Variants in PCDHA3 observed in about 807,000 individuals in gnomAD.
PCDHA3 encodes protocadherin alpha-3.
PCDHA3 carries 41 observed loss-of-function variants against 62.2 expected under a neutral mutation model. That is an observed-to-expected ratio of 0.66 (90% CI 0.51 to 0.86). The LOEUF is 0.86. PCDHA3 is among the 40% of genes least tolerant of loss of function. The probability of loss-of-function intolerance (pLI) is 0.00; values close to 1 mark genes in which losing one functional copy is unlikely to be tolerated. For synonymous variants in PCDHA3, 640 were observed against 555.4 expected, an observed-to-expected ratio of 1.15 and a Z score of -2.14; for missense variants, 1,304 against 1,241.2, an observed-to-expected ratio of 1.05 and a Z score of -0.76.
intron 1 of PCDHA3, among the ~76,000 whole-genome samples, chr5:140,878,446 T>C (rs2057593210): frequency 6.6e-6 from 1 of 152,210 alleles, no homozygotes; most frequent in Admixed American, 6.5e-5. Flanking sequence ...CTATTCTTAT[T>C]TACATGAAAT....
intron 1 of PCDHA3, chr5:140,842,643 T>C (rs1391862843): frequency 6.3e-7 from 1 of 1,595,190 alleles, no homozygotes; most frequent in Non-Finnish European, 8.6e-7. Flanking sequence ...ACCGCCAGCT[T>C]GTCTGTGGAG....
chr5:141,001,936 C>A (rs1440677153), intron 3 of PCDHA3, among the ~76,000 whole-genome samples: 3 of 151,788 alleles, frequency 2.0e-5, no homozygotes, highest in Non-Finnish European at 2.9e-5. Context: ...GGGTGGTGAG[C>A]GGAAATAAGG....
At chr5:140,807,474 G>A (rs1554124040) in intron 1 of PCDHA3, 4 of 1,613,024 alleles carry the variant, frequency 2.5e-6, no homozygotes, top group Non-Finnish European at 3.4e-6. Flanking sequence ...GAGGAGCTGT[G>A]CCGGCGGAGC....
chr5:140,934,053 G>A (rs2089601827), intron 1 of PCDHA3, among the ~76,000 whole-genome samples: 1 of 151,758 alleles, frequency 6.6e-6, no homozygotes, highest in African/African-American at 2.4e-5. Flanking sequence ...GTCTTTCCAA[G>A]GCTAACTTTT....
intron 1 of PCDHA3, among the ~76,000 whole-genome samples, chr5:140,838,413 C>T (rs1304271115): frequency 6.6e-6 from 1 of 151,456 alleles, no homozygotes; most frequent in East Asian, 1.9e-4. Context: ...AGTGAGCCAC[C>T]GCATCCGGCC....
intron 1 of PCDHA3, among the ~76,000 whole-genome samples, chr5:140,893,506 A>AT (rs1270469461): frequency 6.6e-6 from 1 of 152,170 alleles, no homozygotes; most frequent in African/African-American, 2.4e-5. Context: ...AGAAAAAAAA[A>AT]GCAGTTGTAG....
chr5:140,952,327 A>G (rs1407008388), intron 1 of PCDHA3, among the ~76,000 whole-genome samples: 2 of 134,678 alleles, frequency 1.5e-5, no homozygotes, highest in Non-Finnish European at 1.6e-5. Flanking sequence ...AACAAGAGTG[A>G]AACTCCATCT....
intron 1 of PCDHA3, among the ~76,000 whole-genome samples, chr5:140,893,560 T>C (rs964266537): frequency 4.6e-5 from 7 of 152,232 alleles, no homozygotes; most frequent in Admixed American, 4.6e-4. Flanking sequence ...AGTTGTAGTG[T>C]ACTTCCTCAG....
At chr5:140,843,948 A>G (rs1465306903) in intron 1 of PCDHA3, 4 of 562,382 alleles carry the variant, frequency 7.1e-6, no homozygotes, top group Non-Finnish European at 9.4e-6. Flanking sequence ...GATGATATCC[A>G]TTTTTTACTG....
At chr5:140,877,845 TTATTAA>T in intron 1 of PCDHA3, 3 of 1,555,618 alleles carry the variant, frequency 1.9e-6, no homozygotes, top group Non-Finnish European at 2.6e-6. Context: ...GTGAAGTAAG[TTATTAA>T]TATTATTTAG....
At chr5:140,834,761 T>G (rs1265880924) in intron 1 of PCDHA3, 6 of 1,613,900 alleles carry the variant, frequency 3.7e-6, no homozygotes, top group Non-Finnish European at 5.1e-6. Flanking sequence ...TGAAGGACAT[T>G]AACGACAACC....
At chr5:140,876,204 G>A (rs1582266262) in intron 1 of PCDHA3, 1 of 1,613,934 alleles carries the variant, frequency 6.2e-7, no homozygotes, top group Non-Finnish European at 8.5e-7. Flanking sequence ...CGTTTGATAA[G>A]CCCAGCTATA....
chr5:140,827,605 G>A (rs1440569853), intron 1 of PCDHA3, among the ~76,000 whole-genome samples: 1 of 152,210 alleles, frequency 6.6e-6, no homozygotes, highest in Non-Finnish European at 1.5e-5. Flanking sequence ...ATGTGGGCAA[G>A]TTTCTTTTCT....
chr5:140,915,630 C>G (rs2077218866), intron 1 of PCDHA3, among the ~76,000 whole-genome samples: 1 of 142,802 alleles, frequency 7.0e-6, no homozygotes, highest in South Asian at 2.1e-4. Flanking sequence ...CTTTCTGTCT[C>G]TCTCTCTCTC....
intron 1 of PCDHA3, chr5:140,865,437 T>G (rs951308725): frequency 2.0e-5 from 3 of 152,200 alleles, no homozygotes; most frequent in Admixed American, 6.5e-5. Flanking sequence ...GAAAAATAAC[T>G]TCTGAGAAGA....
At chr5:140,848,621 C>T (rs2150415318) in intron 1 of PCDHA3, 1 of 1,593,480 alleles carries the variant, frequency 6.3e-7, no homozygotes, top group Non-Finnish European at 8.6e-7. Context: ...CCGAACACGG[C>T]ACCTTCGTGG....
intron 1 of PCDHA3, among the ~76,000 whole-genome samples, chr5:140,889,614 AT>A (rs1488109035): frequency 5.9e-5 from 9 of 151,496 alleles, no homozygotes; most frequent in Admixed American, 5.9e-4. Flanking sequence ...AATTATACTG[AT>A]TCATTTCTCT....
chr5:140,923,508 G>C (rs570497442), intron 1 of PCDHA3, among the ~76,000 whole-genome samples: 1 of 152,222 alleles, frequency 6.6e-6, no homozygotes, highest in Non-Finnish European at 1.5e-5. Flanking sequence ...CAGCCTGGAT[G>C]ATGAAGTGAG....
At chr5:140,821,936 A>G (rs1197810699) in intron 1 of PCDHA3, 1 of 1,614,162 alleles carries the variant, frequency 6.2e-7, no homozygotes, top group Non-Finnish European at 8.5e-7. Flanking sequence ...CTAGGGCTGG[A>G]GCTGGCGGAG....
Sources: allele counts gnomAD v4.1 joint callset (sites outside exome capture counted in the v4.1 genomes callset), GRCh38; gene constraint gnomAD v4.1.1; transcripts MANE v1.5; gene names NCBI Gene and HGNC (gene_info 2026-07-23, HGNC 2026-07-21).